The following BAZ2A variants were observed in gnomAD, a reference collection of about 807,000 sequenced individuals.
BAZ2A encodes the protein bromodomain adjacent to zinc finger domain 2A, also known as bromodomain adjacent to zinc finger domain protein 2A.
In BAZ2A, 34 loss-of-function variants were observed where a neutral mutation model predicts 199.9. The ratio of observed to expected loss-of-function variants is 0.17; its 90% confidence interval spans 0.13 to 0.23. The LOEUF (loss-of-function observed/expected upper bound fraction) is 0.23. BAZ2A is among the 10% of genes least tolerant of loss of function. BAZ2A has a pLI of 1.00. For synonymous variants in BAZ2A, 857 were observed against 883.9 expected (o/e 0.97, Z 0.54); for missense variants, 2,002 against 2,391.1 (o/e 0.84, Z 3.39).
chr12:56,612,265 G>T lies in BAZ2A; in HGVS notation c.1136-19C>A. On this transcript the variant is annotated intron_variant, in intron 5 of 28. Transcript: ENST00000549884. Reference sequence around the variant, plus strand: ...CTGTTATCTAGAATCCAAAGGGACAGGATAGGCTTTAAAAAAAAAAAAGGC... The same window carrying T: ...CTGTTATCTAGAATCCAAAGGGACATGATAGGCTTTAAAAAAAAAAAAGGC... 6.3e-7 allele frequency: 1 copy of T among 1,581,088 alleles called. No homozygotes were observed. The highest frequency in any genetic ancestry group is 8.6e-7 in the Non-Finnish European group (1 of 1,161,584).
At position 56,599,178 on chromosome 12, in the gene BAZ2A, G is replaced by A. The variant is rs748860333; in HGVS notation, c.5353C>T (p.Arg1785Trp). ...YSEEGLSPSKRRRLSMRNHHS... is the reference protein window; with the variant it reads ...YSEEGLSPSKWRRLSMRNHHS... ...TGGTTCCGCATAGAGAGTCGCCGCC[G>A]CTTGGAGGGGGAGAGCCCTTCTTCC... is the stretch of plus-strand genomic sequence containing the variant. Residue 1785 changes from arginine (R) to tryptophan (W), a missense_variant, in exon 27 of 29, where the codon CGG becomes TGG. Around this residue, in one of 6 missense-constraint regions of BAZ2A, gnomAD observed 122 missense variants for 123.0 expected, o/e 0.99. Coordinates refer to ENST00000549884, the MANE Select transcript of BAZ2A (RefSeq NM_001300905.2). The A allele has an allele frequency of 9.9e-6, 16 of 1,612,972 alleles. No individual in the cohort carries two copies. Among genetic ancestry groups the A allele is most frequent in the South Asian group, 7.7e-5 (7 of 90,854 alleles).
chr12:56,622,079 C>G (rs531246430), intron 1 of BAZ2A, among the ~76,000 whole-genome samples: 373 of 152,116 alleles, frequency 2.5e-3, no homozygotes, highest in African/African-American at 8.7e-3. Flanking sequence ...TGGTTCACGC[C>G]TGTAATCCCA....
At chr12:56,614,914 CAG>C (rs780797157) in intron 3 of BAZ2A, 98 bp downstream of exon 3, 11 of 1,257,520 alleles carry the variant, frequency 8.7e-6, no homozygotes, top group South Asian at 1.3e-5. Context: ...GCCTCCACTG[CAG>C]AGAGCTGGAA....
At chr12:56,600,633 A>G in intron 23 of BAZ2A, 48 bp downstream of exon 23, 3 of 1,599,406 alleles carry the variant, frequency 1.9e-6, no homozygotes, top group South Asian at 1.1e-5. Flanking sequence ...GGCATAAGGG[A>G]CTAATGCTTT....
intron 11 of BAZ2A, 57 bp downstream of exon 11, chr12:56,606,575 GA>G (rs1298819591): frequency 2.0e-6 from 3 of 1,495,326 alleles, no homozygotes; most frequent in Non-Finnish European, 2.8e-6. Flanking sequence ...GAAAATAAAA[GA>G]TGAAGTAAGT....
chr12:56,602,980 G>A, intron 18 of BAZ2A, 123 bp from the exon 19 acceptor site: 1 of 1,182,354 alleles, frequency 8.5e-7, no homozygotes, highest in Non-Finnish European at 1.2e-6. Flanking sequence ...TGCCATCTGG[G>A]CCTAATTCAG....
In BAZ2A at chr12:56,617,519, G is replaced by A. The variant is rs748416879; in HGVS notation, c.12C>T (p.Asn4=). 31 of 1,607,076 alleles carry A rather than the reference G, an allele frequency of 1.9e-5. 1 individual carries two copies. The South Asian group carries it at 2.0e-4, about 10-fold the overall frequency. The change falls in exon 2 of 29, where the codon AAC becomes AAT. Residue 4 remains asparagine, a synonymous_variant. Transcript: ENST00000549884. MEA[N]DHFNFTGLPP... ...GAAGGCCAGTAAAGTTAAAATGGTC[G>A]TTTGCCTCCATTTCTGCAGGAGGGG... is the stretch of plus-strand genomic sequence containing the variant.
chr12:56,604,326 C>A lies in BAZ2A; in HGVS notation c.2964-35G>T. On this transcript the variant is annotated intron_variant, in intron 15 of 28. Coordinates refer to ENST00000549884, the MANE Select transcript of BAZ2A (RefSeq NM_001300905.2). ...AATAGGGAATAGGATGAAGTGGCAG[C>A]ACAAAAAAAGGGAAAGGAGGCTCAA... The A allele has an allele frequency of 6.4e-7, 1 of 1,574,558 alleles. No homozygotes were observed. The highest frequency in any genetic ancestry group is 1.8e-5 in the Admixed American group (1 of 54,802).
At chr12:56,636,326 C>CT (rs1301567844) in exon 1 of BAZ2A, 2 of 1,484,434 alleles carry the variant, frequency 1.3e-6, no homozygotes, top group African/African-American at 2.8e-5. Context: ...TGTATGCTTC[C>CT]TGCGAACCAC....
Position 56,598,561 on chromosome 12 carries a change from G to T in BAZ2A, c.*57C>A, listed in dbSNP as rs922618559. 22 of 1,575,628 alleles carry T rather than the reference G, an allele frequency of 1.4e-5. No individual in the cohort carries two copies. Among genetic ancestry groups the T allele is most frequent in the Non-Finnish European group, 1.8e-5 (21 of 1,161,938 alleles). On this transcript the variant is annotated 3_prime_UTR_variant, in exon 29 of 29. Transcript: ENST00000549884. The stretch of plus-strand genomic sequence containing the variant: ...CAGCATCAGCAGGTGAAAATGGCAG[G>T]TTTTTGTTTGGAAGGTGGGGGGAGA...
At chr12:56,631,450 C>CAAAAAA, upstream of BAZ2A, among the ~76,000 whole-genome samples, 1 of 81,592 alleles carries the variant, frequency 1.2e-5, no homozygotes, top group African/African-American at 4.6e-5. Flanking sequence ...GACTCTATCT[C>CAAAAAA]AAAAAAAAAA....
chr12:56,611,563 G>C lies in BAZ2A; in HGVS notation c.1670+10C>G. 1 of 1,609,666 alleles carries C rather than the reference G, an allele frequency of 6.2e-7. No homozygotes were observed. Among genetic ancestry groups the C allele is most frequent in the Non-Finnish European group, 8.5e-7 (1 of 1,176,050 alleles). On this transcript the variant is annotated intron_variant, in intron 7 of 28. Transcript: ENST00000549884. Reference sequence around the variant, plus strand: ...CAAGGTCAATAAATGTAGCAAACTAGAGCATTTACCCATGTTGGAGGGGAA... The same window carrying C: ...CAAGGTCAATAAATGTAGCAAACTACAGCATTTACCCATGTTGGAGGGGAA...
chr12:56,599,677 G>C, intron 26 of BAZ2A, 25 bp downstream of exon 26: 2 of 1,612,230 alleles, frequency 1.2e-6, no homozygotes, highest in Non-Finnish European at 1.7e-6. Context: ...GTTTGAGTGT[G>C]GGAAAGAAAG....
At chr12:56,620,944 TA>T in intron 1 of BAZ2A, 1 of 487,552 alleles carries the variant, frequency 2.1e-6, no homozygotes, top group Non-Finnish European at 2.7e-6. Flanking sequence ...TAATCCTTCT[TA>T]AGTGCAAGAA....
chr12:56,599,474 A>G, intron 26 of BAZ2A, 116 bp from the exon 27 acceptor site: 1 of 1,318,100 alleles, frequency 7.6e-7, no homozygotes, highest in Non-Finnish European at 1.0e-6. Flanking sequence ...ATAAGCCGGC[A>G]TTGGTTTATT....
intron 1 of BAZ2A, among the ~76,000 whole-genome samples, chr12:56,628,204 GAAAGAAAAAA>G (rs928798810): frequency 3.3e-5 from 4 of 123,040 alleles, no homozygotes; most frequent in Non-Finnish European, 6.9e-5. Flanking sequence ...AAAAAAGACA[GAAAGAAAAAA>G]AAAGAAAAGA....
intron 1 of BAZ2A, among the ~76,000 whole-genome samples, chr12:56,621,404 C>A (rs967132216): frequency 3.9e-5 from 6 of 152,066 alleles, no homozygotes; most frequent in African/African-American, 1.5e-4. Context: ...ATCAGAACCA[C>A]AACCACTTCA....
upstream of BAZ2A, among the ~76,000 whole-genome samples, chr12:56,634,540 C>T (rs1951399113): frequency 6.6e-6 from 1 of 152,210 alleles, no homozygotes; most frequent in African/African-American, 2.4e-5. Context: ...TGTTGCTCCC[C>T]CGCCCCCCTT....
intron 1 of BAZ2A, among the ~76,000 whole-genome samples, chr12:56,624,153 C>A (rs1388517255): frequency 1.3e-5 from 2 of 152,000 alleles, no homozygotes; most frequent in African/African-American, 4.8e-5. Flanking sequence ...ATCACGATAA[C>A]CCATTCTGAG....
Sources: allele counts gnomAD v4.1 joint callset (sites outside exome capture counted in the v4.1 genomes callset), GRCh38; gene constraint gnomAD v4.1.1; regional missense constraint gnomAD v4.1.1; transcripts MANE v1.5; gene names NCBI Gene and HGNC (gene_info 2026-07-23, HGNC 2026-07-21).